NUTF2: variants seen among roughly 807,000 people sequenced by gnomAD.
NUTF2 encodes placental protein 15.
A neutral mutation model predicts 18.5 loss-of-function variants in NUTF2; 3 were observed. The ratio of observed to expected loss-of-function variants is 0.16; its 90% CI spans 0.07 to 0.42. The LOEUF is 0.42. Ranked by LOEUF, NUTF2 falls within the 10% of genes least tolerant of loss-of-function variation. NUTF2 has a pLI of 0.99. For missense variants in NUTF2, 44 were observed against 160.7 expected, an observed-to-expected ratio of 0.27 and a Z score of 3.93; for synonymous variants, 51 against 57.9, an observed-to-expected ratio of 0.88 and a Z score of 0.54.
chr16:67,869,937 C>T (rs960089193), intron 4 of NUTF2: 1 of 152,254 alleles, frequency 6.6e-6, no homozygotes, highest in African/African-American at 2.4e-5. Context: ...ACAGGGCTTC[C>T]TGAGTCCAGA....
At chr16:67,849,448 TCTC>T (rs1197610085) in intron 1 of NUTF2, among the ~76,000 whole-genome samples, 1 of 151,292 alleles carries the variant, frequency 6.6e-6, no homozygotes, top group Non-Finnish European at 1.5e-5. Flanking sequence ...TTCAAACGAT[TCTC>T]CTGCCTCAGC....
chr16:67,857,712 C>T (rs1040555142), intron 1 of NUTF2, among the ~76,000 whole-genome samples: 1 of 152,246 alleles, frequency 6.6e-6, no homozygotes, highest in African/African-American at 2.4e-5. Context: ...GAGGCCAGGT[C>T]TTTGAGGGTG....
intron 1 of NUTF2, among the ~76,000 whole-genome samples, chr16:67,863,039 T>C (rs1034931902): frequency 3.3e-5 from 5 of 152,154 alleles, no homozygotes; most frequent in Admixed American, 2.6e-4. Context: ...TGACTAAGCA[T>C]AGCAAGTACC....
At chr16:67,853,817 T>TA (rs761376829) in intron 1 of NUTF2, among the ~76,000 whole-genome samples, 4 of 152,076 alleles carry the variant, frequency 2.6e-5, no homozygotes, top group Non-Finnish European at 4.4e-5. Flanking sequence ...AGCCAAGTTT[T>TA]ACAACTTCTT....
At chr16:67,870,405 C>G (rs1442233591) in intron 4 of NUTF2, 1 of 181,946 alleles carries the variant, frequency 5.5e-6, no homozygotes, top group Non-Finnish European at 1.1e-5. Context: ...CCTATGTTTT[C>G]AAGATTGTTT....
chr16:67,850,397 A>G (rs554844410), intron 1 of NUTF2, among the ~76,000 whole-genome samples: 9 of 151,296 alleles, frequency 5.9e-5, no homozygotes, highest in East Asian at 2.0e-4. Flanking sequence ...TAGTAGAGAC[A>G]GGGTTTCACC....
intron 1 of NUTF2, among the ~76,000 whole-genome samples, chr16:67,862,006 GGTAGGTTCT>G (rs1460007440): frequency 2.0e-5 from 3 of 152,082 alleles, no homozygotes; most frequent in Non-Finnish European, 4.4e-5. Flanking sequence ...GCAGGCTCTC[GGTAGGTTCT>G]GTTGTGTCTG....
intron 1 of NUTF2, among the ~76,000 whole-genome samples, chr16:67,850,878 G>T (rs1433940286): frequency 6.6e-6 from 1 of 151,942 alleles, no homozygotes; most frequent in African/African-American, 2.4e-5. Flanking sequence ...TCAGCTCACT[G>T]CAACCTCCGC....
At chr16:67,859,031 C>T (rs960061826) in intron 1 of NUTF2, among the ~76,000 whole-genome samples, 2 of 151,798 alleles carry the variant, frequency 1.3e-5, no homozygotes, top group African/African-American at 4.8e-5. Flanking sequence ...CATGAGGTCT[C>T]ACTATGTTGT....
rs555986706 is a variant in NUTF2, at chr16:67,871,484, G to C, written c.*571G>C. 1 of 152,508 alleles carries C rather than the reference G, an allele frequency of 6.6e-6. No homozygotes were observed. Among genetic ancestry groups the C allele is most frequent in the South Asian group, 2.1e-4 (1 of 4,840 alleles). The allele number at this position is 152,508 out of a possible 1,614,324, so 9.4% of individuals were successfully genotyped here. On this transcript the variant is annotated 3_prime_UTR_variant, in exon 5 of 5. Transcript: ENST00000219169. The stretch of plus-strand genomic sequence containing the variant: ...CAGCTAGCCTCTCAGAAGCCGTGTA[G>C]GGCAGTTCTCTCCCACTCCACAGGG...
rs1215204702 is a variant in NUTF2 at position 67,871,974 on chromosome 16, CCT to C, written c.*1063_*1064del. The stretch of plus-strand genomic sequence containing the variant: ...TGTGAGGGACTCATGCTTTAGGAGT[CCT>C]CACCCCTCAGACTGCTGCAGGACAT... On this transcript the variant is annotated 3_prime_UTR_variant, in exon 5 of 5. Coordinates refer to ENST00000219169, the MANE Select transcript of NUTF2 (RefSeq NM_005796.3). 2 of 152,402 alleles carry C rather than the reference CCT, an allele frequency of 1.3e-5. No individual in the cohort carries two copies. The highest frequency in any genetic ancestry group is 3.9e-4 in the East Asian group (2 of 5,186). The allele number at this position is 152,402 out of a possible 1,614,324, so 9.4% of individuals were successfully genotyped here.
At chr16:67,860,510 A>G (rs1262954638) in intron 1 of NUTF2, among the ~76,000 whole-genome samples, 2 of 152,104 alleles carry the variant, frequency 1.3e-5, no homozygotes, top group African/African-American at 4.8e-5. Flanking sequence ...GACTCAAGTG[A>G]TCCTCCTGCG....
intron 4 of NUTF2, 73 bp from the exon 5 acceptor site, chr16:67,870,727 C>T: frequency 1.6e-6 from 2 of 1,225,778 alleles, no homozygotes; most frequent in Non-Finnish European, 2.4e-6. Flanking sequence ...ATTTTTTTGC[C>T]CTCTTCTCCT....
intron 1 of NUTF2, among the ~76,000 whole-genome samples, chr16:67,856,975 C>A (rs778710282): frequency 3.3e-5 from 5 of 152,194 alleles, no homozygotes; most frequent in Non-Finnish European, 7.3e-5. Flanking sequence ...TGAGAGAATA[C>A]AGAAGTGTTT....
rs1433221900 is a variant in NUTF2, at chr16:67,865,310, C to G, written c.99+81C>G. The G allele has an allele frequency of 7.1e-6, 7 of 989,696 alleles. No homozygotes were observed. In the Admixed American group the frequency reaches 7.4e-5, roughly 10 times the overall value. 61.3% of individuals were successfully genotyped at this position (989,696 alleles called of 1,614,324 possible). A position where few individuals can be genotyped will look rare whatever the true frequency, so the allele number is the denominator to read the frequency against. Reference sequence around the variant, plus strand: ...GGCCAGTGTGTCCAGTTCACAAGTTCTGGCAGCCCTATCTGGACTGGCTAC... The same window carrying G: ...GGCCAGTGTGTCCAGTTCACAAGTTGTGGCAGCCCTATCTGGACTGGCTAC... On this transcript the variant is annotated intron_variant, in intron 2 of 4. Transcript: ENST00000219169.
chr16:67,870,716 C>T, intron 4 of NUTF2, 84 bp from the exon 5 acceptor site: 1 of 1,055,938 alleles, frequency 9.5e-7, no homozygotes, highest in East Asian at 2.4e-5. Flanking sequence ...CTAAAGTCAA[C>T]ATTTTTTTGC....
rs142697306 is a variant in NUTF2, at chr16:67,862,522, C to A, written c.-29-2580C>A. ...CATTTCCTTCCACCACCACTTCAGT[C>A]AAGGAGTTTTTGTATCAGAAAGTTA... On this transcript the variant is annotated intron_variant, in intron 1 of 4. Coordinates refer to ENST00000219169, the MANE Select transcript of NUTF2 (RefSeq NM_005796.3). Among the ~76,000 whole-genome samples the A allele has an allele frequency of 8.1e-3, 1,229 of 152,274 alleles. 8 individuals are homozygous for A. The highest frequency in any genetic ancestry group is 0.023 in the African/African-American group (943 of 41,542).
At chr16:67,850,205 C>CTTTTTT (rs768001106) in intron 1 of NUTF2, among the ~76,000 whole-genome samples, 2 of 149,732 alleles carry the variant, frequency 1.3e-5, no homozygotes, top group African/African-American at 2.5e-5. Flanking sequence ...TTCCCTGTAA[C>CTTTTTT]TTCTTTTTTT....
intron 4 of NUTF2, 123 bp downstream of exon 4, chr16:67,868,722 C>CCTG: frequency 1.2e-6 from 1 of 865,446 alleles, no homozygotes; most frequent in South Asian, 1.6e-5. Context: ...CTGTCTAGAG[C>CCTG]TGCGTAGTTC....
Sources: gnomAD v4.1 joint callset for allele counts (sites outside exome capture counted in the v4.1 genomes callset) on GRCh38, gnomAD v4.1.1 for gene constraint, MANE v1.5 for transcripts, NCBI Gene and HGNC (gene_info 2026-07-23, HGNC 2026-07-21) for gene names.